Variants in FARS2 observed in about 807,000 individuals in gnomAD.
The protein encoded by FARS2 is phenylalanine--tRNA ligase, mitochondrial.
In FARS2, 40 loss-of-function variants were observed where a neutral mutation model predicts 46.4. The ratio of observed to expected loss-of-function variants is 0.86; its 90% CI spans 0.67 to 1.12. The LOEUF is 1.12. Among genes scored for constraint, FARS2 ranks in the 50% most tolerant of loss-of-function variants. FARS2 has a pLI of 0.00. For synonymous variants in FARS2, 234 were observed against 214.9 expected, an observed-to-expected ratio of 1.09 and a Z score of -0.78; for missense variants, 513 against 567.9, an observed-to-expected ratio of 0.90 and a Z score of 0.98.
At chr6:5,639,213 C>T (rs562176731) in intron 6 of FARS2, among the ~76,000 whole-genome samples, 4 of 152,312 alleles carry the variant, frequency 2.6e-5, no homozygotes, top group Non-Finnish European at 1.5e-5. Context: ...CGTACATCCA[C>T]ATATTTCAAA....
intron 1 of FARS2, among the ~76,000 whole-genome samples, chr6:5,317,055 G>T (rs1035969784): frequency 1.3e-5 from 2 of 152,168 alleles, no homozygotes; most frequent in African/African-American, 4.8e-5. Flanking sequence ...CTCCACATCA[G>T]TTAGGCTCTT....
At chr6:5,268,989 G>T (rs1220873045) in intron 1 of FARS2, among the ~76,000 whole-genome samples, 1 of 152,100 alleles carries the variant, frequency 6.6e-6, no homozygotes, top group Non-Finnish European at 1.5e-5. Flanking sequence ...TCATTACTGG[G>T]TATATACCCA....
At chr6:5,611,682 AT>A (rs1775193528) in intron 5 of FARS2, among the ~76,000 whole-genome samples, 1 of 152,136 alleles carries the variant, frequency 6.6e-6, no homozygotes, top group Non-Finnish European at 1.5e-5. Flanking sequence ...AACTGCATGG[AT>A]TTTAAACTGT....
chr6:5,392,934 G>A (rs1725999020), intron 2 of FARS2, among the ~76,000 whole-genome samples: 1 of 145,528 alleles, frequency 6.9e-6, no homozygotes, highest in Non-Finnish European at 1.5e-5. Flanking sequence ...ACATATATGT[G>A]TGTGTGTATA....
intron 6 of FARS2, among the ~76,000 whole-genome samples, chr6:5,700,052 T>C (rs1297271554): frequency 6.6e-6 from 1 of 152,210 alleles, no homozygotes; most frequent in Non-Finnish European, 1.5e-5. Context: ...TAATGTGTTT[T>C]AGACTATTAG....
At chr6:5,378,345 C>T (rs775160730) in intron 2 of FARS2, among the ~76,000 whole-genome samples, 9 of 152,132 alleles carry the variant, frequency 5.9e-5, no homozygotes, top group Admixed American at 2.6e-4. Context: ...TGGAGTGAGG[C>T]GCTTCTTTTT....
At chr6:5,310,110 A>G (rs2127546575) in intron 1 of FARS2, among the ~76,000 whole-genome samples, 1 of 152,322 alleles carries the variant, frequency 6.6e-6, no homozygotes, top group Non-Finnish European at 1.5e-5. Flanking sequence ...TTTTCAAATC[A>G]CTAGGGAAAG....
At chr6:5,289,292 A>G (rs193215975) in intron 1 of FARS2, among the ~76,000 whole-genome samples, 50 of 152,354 alleles carry the variant, frequency 3.3e-4, no homozygotes, top group African/African-American at 1.1e-3. Flanking sequence ...TTGCCAAATC[A>G]GGCACTGGTT....
intron 4 of FARS2, among the ~76,000 whole-genome samples, chr6:5,448,476 T>TA (rs1375967633): frequency 6.6e-6 from 1 of 151,872 alleles, no homozygotes; most frequent in East Asian, 1.9e-4. Context: ...TTTCTGTTTT[T>TA]TTTTTTTCAC....
At position 5,748,869 on chromosome 6, in the gene FARS2, G is replaced by A. The variant is rs573884889; in HGVS notation, c.1218-22422G>A. ...GCAACTGTAAAAGATTGGGTCTGTTGATGTTTTGAGGGGGACCTATCAGTG... is the reference window on the plus strand; with the variant it reads ...GCAACTGTAAAAGATTGGGTCTGTTAATGTTTTGAGGGGGACCTATCAGTG... On this transcript the variant is annotated intron_variant, in intron 6 of 6. Coordinates refer to ENST00000274680, the MANE Select transcript of FARS2 (RefSeq NM_006567.5). Among the ~76,000 whole-genome samples the A allele has an allele frequency of 2.1e-4, 32 of 152,388 alleles. 1 individual carries two copies. In the South Asian group the frequency reaches 6.6e-3, roughly 32 times the overall value.
intron 6 of FARS2, among the ~76,000 whole-genome samples, chr6:5,743,208 C>G (rs1311593379): frequency 6.6e-6 from 1 of 152,044 alleles, no homozygotes; most frequent in Non-Finnish European, 1.5e-5. Context: ...CCCTCTTGAA[C>G]CTTTCACTTT....
At chr6:5,316,944 G>A (rs934243079) in intron 1 of FARS2, among the ~76,000 whole-genome samples, 4 of 152,132 alleles carry the variant, frequency 2.6e-5, no homozygotes, top group African/African-American at 9.7e-5. Context: ...CCATTAAGGG[G>A]GAAAAGTAAA....
intron 4 of FARS2, among the ~76,000 whole-genome samples, chr6:5,440,096 G>C (rs1030596576): frequency 6.6e-6 from 1 of 152,018 alleles, no homozygotes; most frequent in Non-Finnish European, 1.5e-5. Flanking sequence ...AAAGCAATCT[G>C]TAATCATTGA....
At chr6:5,441,557 C>T (rs1763844268) in intron 4 of FARS2, among the ~76,000 whole-genome samples, 1 of 152,172 alleles carries the variant, frequency 6.6e-6, no homozygotes, top group Non-Finnish European at 1.5e-5. Context: ...GTGTGAAGTT[C>T]ATCTGTGTTG....
In FARS2 at chr6:5,469,747, A is replaced by T. The variant is rs77533928; in HGVS notation, c.904+38575A>T. ...TTGGATTTGGAGTAGGAAATATATA[A>T]GAATGAACAGAGCTTTTACAACTTT... On this transcript the variant is annotated intron_variant, in intron 4 of 6. Transcript: ENST00000274680. 8.8e-3 allele frequency among the ~76,000 whole-genome samples: 1,344 copies of T among 152,362 alleles called. 9 individuals are homozygous for T. The highest frequency in any genetic ancestry group is 0.031 in the African/African-American group (1,282 of 41,584).
rs187447966 is a variant in FARS2 at position 5,654,777 on chromosome 6, A to T, written c.1217+41457A>T. Among the ~76,000 whole-genome samples, 14 of 152,154 alleles carry T rather than the reference A, an allele frequency of 9.2e-5. No homozygotes were observed. The East Asian group carries it at 2.7e-3, about 29-fold the overall frequency. On this transcript the variant is annotated intron_variant, in intron 6 of 6. Transcript: ENST00000274680. ...GAACAAGTTTGAACTTCACCGGCCC[A>T]CTTATACGTGGATTTTCTTCCGCCT... is the stretch of plus-strand genomic sequence containing the variant.
At chr6:5,469,259 C>G (rs1025766107) in intron 4 of FARS2, among the ~76,000 whole-genome samples, 2 of 152,184 alleles carry the variant, frequency 1.3e-5, no homozygotes, top group Non-Finnish European at 2.9e-5. Context: ...CTTGGTCCAC[C>G]GAGGTTCCTG....
chr6:5,386,189 G>A (rs62385367), intron 2 of FARS2, among the ~76,000 whole-genome samples: 24,495 of 151,966 alleles, frequency 0.16, 2,103 homozygotes, highest in Middle Eastern at 0.19. Context: ...CATTATAGTT[G>A]TACAGGCAGA....
Position 5,470,585 on chromosome 6 carries a change from T to C in FARS2, c.904+39413T>C, listed in dbSNP as rs1765756136. Among the ~76,000 whole-genome samples the C allele has an allele frequency of 3.9e-5, 6 of 152,340 alleles. 2 individuals carry two copies. Among genetic ancestry groups the C allele is most frequent in the African/African-American group, 1.4e-4 (6 of 41,592 alleles). On this transcript the variant is annotated intron_variant, in intron 4 of 6. Transcript: ENST00000274680. ...ATTTTATTTTCTCCTCTGTAATTTT[T>C]TATTAGAATAACTAGTAACTATATG...
Sources: gnomAD v4.1 joint callset for allele counts (sites outside exome capture counted in the v4.1 genomes callset) on GRCh38, gnomAD v4.1.1 for gene constraint, MANE v1.5 for transcripts, NCBI Gene and HGNC (gene_info 2026-07-23, HGNC 2026-07-21) for gene names.